ADGRV1: variants seen among roughly 807,000 people sequenced by gnomAD.
ADGRV1 encodes the protein G-protein coupled receptor 98.
In ADGRV1, 359 loss-of-function variants were observed where a neutral mutation model predicts 596.2. The observed-to-expected ratio is 0.60, with a 90% CI of 0.55 to 0.66. The LOEUF is 0.66. ADGRV1 is among the 30% of genes least tolerant of loss of function. The pLI is 0.00. For synonymous variants in ADGRV1, 2,681 were observed against 2,679.2 expected, an observed-to-expected ratio of 1.00 and a Z score of -0.02; for missense variants, 7,274 against 7,575.6, an observed-to-expected ratio of 0.96 and a Z score of 1.48.
At chr5:90,726,157 T>C (rs950531051) in intron 48 of ADGRV1, among the ~76,000 whole-genome samples, 2 of 152,234 alleles carry the variant, frequency 1.3e-5, no homozygotes, top group Non-Finnish European at 2.9e-5. Context: ...AGGGGTATTA[T>C]TCATTTTCCC....
At chr5:90,573,322 A>G (rs1261649168) in intron 1 of ADGRV1, among the ~76,000 whole-genome samples, 1 of 152,186 alleles carries the variant, frequency 6.6e-6, no homozygotes, top group African/African-American at 2.4e-5. Context: ...GCATTGCTTA[A>G]TGATGAGGAT....
chr5:90,756,040 T>C (rs1283292788), intron 55 of ADGRV1, among the ~76,000 whole-genome samples: 1 of 151,654 alleles, frequency 6.6e-6, no homozygotes, highest in African/African-American at 2.4e-5. Context: ...AGTAAGAAAT[T>C]TTTAAAAATT....
chr5:90,934,806 G>A (rs1775542044), intron 83 of ADGRV1, among the ~76,000 whole-genome samples: 1 of 152,156 alleles, frequency 6.6e-6, no homozygotes, highest in Non-Finnish European at 1.5e-5. Context: ...TTTATTCTGA[G>A]GCCTCTTCTC....
Position 90,625,148 on chromosome 5 carries a change from C to G in ADGRV1, c.577C>G (p.Pro193Ala), listed in dbSNP as rs748303111. The G allele has an allele frequency of 6.2e-7, 1 of 1,610,916 alleles. No individual in the cohort carries two copies. Among genetic ancestry groups the G allele is most frequent in the Non-Finnish European group, 8.5e-7 (1 of 1,177,994 alleles). Reference sequence around the variant, plus strand: ...TTTGCAGGTAGAGGGTGGCCCAAATCCCCCTGATGAAGATTTGAGTCCAGT... The same window carrying G: ...TTTGCAGGTAGAGGGTGGCCCAAATGCCCCTGATGAAGATTTGAGTCCAGT... ...VTFEVEGGPN[P>A]PDEDLSPVKG... The change falls in exon 6 of 90, where the codon CCC (proline) becomes GCC (alanine). Residue 193 changes from proline (P) to alanine (A), a missense_variant. By Grantham distance (27) the Pro-to-Ala change is conservative. This residue lies in a region of ADGRV1 where 1,715 missense variants were observed against 1,708.8 expected (regional missense o/e 1.00). Transcript: ENST00000405460.
In ADGRV1 at chr5:90,740,666, G is replaced by A. The variant is rs148659553; in HGVS notation, c.10550-4380G>A. On this transcript the variant is annotated intron_variant, in intron 50 of 89. Coordinates refer to ENST00000405460, the MANE Select transcript of ADGRV1 (RefSeq NM_032119.4). The stretch of plus-strand genomic sequence containing the variant: ...GTCACTGTGAGCCCTACCCCTGTTC[G>A]TTGTTTCTAAGTGACCTCAGGTGGT... 2.6e-5 allele frequency among the ~76,000 whole-genome samples: 4 copies of A among 152,202 alleles called. No homozygotes were observed. In the East Asian group the frequency reaches 7.7e-4, roughly 29 times the overall value.
chr5:91,098,652 G>A (rs1382655091), intron 86 of ADGRV1, among the ~76,000 whole-genome samples: 1 of 152,084 alleles, frequency 6.6e-6, no homozygotes, highest in Non-Finnish European at 1.5e-5. Flanking sequence ...TTCTAGTCTG[G>A]GGTGCCAAAC....
At chr5:91,038,618 T>C (rs941345161) in intron 85 of ADGRV1, among the ~76,000 whole-genome samples, 1 of 152,212 alleles carries the variant, frequency 6.6e-6, no homozygotes, top group Non-Finnish European at 1.5e-5. Context: ...TGGGCAACTG[T>C]GCAGGCAGAG....
At chr5:90,946,823 C>T (rs868813016) in intron 83 of ADGRV1, among the ~76,000 whole-genome samples, 46 of 152,268 alleles carry the variant, frequency 3.0e-4, no homozygotes, top group African/African-American at 1.1e-3. Flanking sequence ...CATAGTATTT[C>T]ATGGTATATA....
At chr5:90,713,358 G>A (rs1279175691) in intron 42 of ADGRV1, among the ~76,000 whole-genome samples, 1 of 145,982 alleles carries the variant, frequency 6.9e-6, no homozygotes, top group African/African-American at 2.5e-5. Context: ...TTTTTTTTGA[G>A]GCTGTGGCTG....
At chr5:90,940,320 G>A (rs1776067209) in intron 83 of ADGRV1, among the ~76,000 whole-genome samples, 1 of 152,200 alleles carries the variant, frequency 6.6e-6, no homozygotes. Flanking sequence ...TATTATCTGT[G>A]TTACTATCTA....
chr5:90,853,204 A>G, intron 79 of ADGRV1, 80 bp from the exon 80 acceptor site: 1 of 1,317,694 alleles, frequency 7.6e-7, no homozygotes, highest in Admixed American at 2.2e-5. Context: ...ATCCAAGTGT[A>G]ATGCACTTTA....
intron 75 of ADGRV1, among the ~76,000 whole-genome samples, chr5:90,822,540 T>G (rs1367826208): frequency 6.6e-6 from 1 of 152,152 alleles, no homozygotes; most frequent in Non-Finnish European, 1.5e-5. Flanking sequence ...AGCCTTGTAG[T>G]ATAGTTTGAG....
In ADGRV1 at chr5:90,810,703, C is replaced by G. The variant is rs754003584; in HGVS notation, c.15443C>G (p.Thr5148Arg). ...PETTVAVAVDTTLIPVETEST... is the reference protein window; with the variant it reads ...PETTVAVAVDRTLIPVETEST... Reference sequence around the variant, plus strand: ...ACAACTGTGGCTGTAGCAGTTGACACAACTCTCATTCCTGTAGAAACTGAA... The same window carrying G: ...ACAACTGTGGCTGTAGCAGTTGACAGAACTCTCATTCCTGTAGAAACTGAA... The change falls in exon 74 of 90, where the codon ACA (threonine) becomes AGA (arginine). Residue 5148 changes from threonine to arginine, a missense_variant. Thr to Arg is a moderately conservative substitution (Grantham distance 71, BLOSUM62 -1). Coordinates refer to ENST00000405460, the MANE Select transcript of ADGRV1 (RefSeq NM_032119.4). The G allele has an allele frequency of 1.4e-5, 22 of 1,613,758 alleles. No individual in the cohort carries two copies. The highest frequency in any genetic ancestry group is 1.9e-5 in the Non-Finnish European group (22 of 1,179,884).
rs779811064 is a variant in ADGRV1, at chr5:90,593,917, ACTT to A, written c.23-20914_23-20912del. Among the ~76,000 whole-genome samples the A allele has an allele frequency of 1.7e-3, 260 of 152,308 alleles. 1 individual carries two copies. Among genetic ancestry groups the A allele is most frequent in the African/African-American group, 6.0e-3 (249 of 41,552 alleles). On this transcript the variant is annotated intron_variant, in intron 1 of 89. Transcript: ENST00000405460. ...TTGATATGTAATTAAATTAAAATAA[ACTT>A]CTTATGTTTAAATTGTACAATTTGA...
At chr5:91,105,084 C>T (rs1791737392) in intron 87 of ADGRV1, among the ~76,000 whole-genome samples, 1 of 151,902 alleles carries the variant, frequency 6.6e-6, no homozygotes, top group Admixed American at 6.6e-5. Flanking sequence ...TCCCAGGCTG[C>T]TCTTGAACTC....
intron 83 of ADGRV1, among the ~76,000 whole-genome samples, chr5:90,885,764 A>G (rs1162331183): frequency 1.3e-5 from 2 of 152,144 alleles, no homozygotes; most frequent in Admixed American, 6.5e-5. Context: ...ATAGAAATGA[A>G]TCTGCCCCAT....
At chr5:90,688,597 C>T (rs1000455777) in intron 29 of ADGRV1, among the ~76,000 whole-genome samples, 7 of 152,080 alleles carry the variant, frequency 4.6e-5, no homozygotes, top group Non-Finnish European at 7.4e-5. Flanking sequence ...CCTCATGATC[C>T]GCCCACCTTG....
intron 26 of ADGRV1, 89 bp from the exon 27 acceptor site, chr5:90,681,226 T>A (rs1744884262): frequency 6.9e-7 from 1 of 1,443,226 alleles, no homozygotes; most frequent in African/African-American, 1.4e-5. Flanking sequence ...AAGGACTCTT[T>A]TCAAAAAGTT....
At chr5:90,897,218 T>C (rs1338131646) in intron 83 of ADGRV1, among the ~76,000 whole-genome samples, 1 of 152,244 alleles carries the variant, frequency 6.6e-6, no homozygotes, top group East Asian at 1.9e-4. Flanking sequence ...ATAAATATTA[T>C]GTAAAGTTTT....
Sources: allele counts gnomAD v4.1 joint callset (sites outside exome capture counted in the v4.1 genomes callset), GRCh38; gene constraint gnomAD v4.1.1; regional missense constraint gnomAD v4.1.1; transcripts MANE v1.5; gene names NCBI Gene and HGNC (gene_info 2026-07-23, HGNC 2026-07-21).